The following SH3GL2 variants were observed in gnomAD, a reference collection of about 807,000 sequenced individuals.
The protein encoded by SH3GL2 is endophilin-A1.
In SH3GL2, 24 loss-of-function variants were observed where a neutral mutation model predicts 46.0. The ratio of observed to expected loss-of-function variants is 0.52; its 90% CI spans 0.38 to 0.73. The LOEUF (loss-of-function observed/expected upper bound fraction) is 0.73. Among genes scored for constraint, SH3GL2 ranks in the 30% least tolerant of loss-of-function variants. The pLI, the probability that SH3GL2 is intolerant of heterozygous loss-of-function variation, is 0.00. For missense variants in SH3GL2, 413 were observed against 424.2 expected, an observed-to-expected ratio of 0.97 and a Z score of 0.23; for synonymous variants, 196 against 147.1, an observed-to-expected ratio of 1.33 and a Z score of -2.40.
chr9:17,745,201 G>A (rs138515238), intron 1 of SH3GL2, among the ~76,000 whole-genome samples: 1 of 152,152 alleles, frequency 6.6e-6, no homozygotes, highest in Non-Finnish European at 1.5e-5. Context: ...GTATGTGTCA[G>A]TGATACAAAT....
chr9:17,579,409 G>C (rs1019736522), intron 1 of SH3GL2, 122 bp downstream of exon 1: 10 of 489,802 alleles, frequency 2.0e-5, no homozygotes, highest in African/African-American at 6.1e-5. Context: ...CGCGCCGGCC[G>C]CGCCCCGCCT....
chr9:17,648,993 G>A (rs781062005), intron 1 of SH3GL2, among the ~76,000 whole-genome samples: 1 of 152,188 alleles, frequency 6.6e-6, no homozygotes, highest in Non-Finnish European at 1.5e-5. Context: ...TGTGTTTCCT[G>A]TATGATGTTG....
Position 17,678,859 on chromosome 9 carries a change from G to A in SH3GL2, c.46-68207G>A, listed in dbSNP as rs1224283469. On this transcript the variant is annotated intron_variant, in intron 1 of 8. Coordinates refer to ENST00000380607, the MANE Select transcript of SH3GL2 (RefSeq NM_003026.5). ...TCGGCTTTCTCCATATGGCTAGCCA[G>A]TTTTCCCAGCACCATTTATTAAATA... Among the ~76,000 whole-genome samples, 10 of 152,102 alleles carry A rather than the reference G, an allele frequency of 6.6e-5. No homozygotes were observed. In the East Asian group the frequency reaches 9.7e-4, roughly 15 times the overall value.
At chr9:17,727,238 A>G (rs1822046492) in intron 1 of SH3GL2, among the ~76,000 whole-genome samples, 1 of 152,200 alleles carries the variant, frequency 6.6e-6, no homozygotes, top group African/African-American at 2.4e-5. Context: ...TATACTGTTT[A>G]TGTAAGTTAA....
chr9:17,730,475 G>T (rs1446568758), intron 1 of SH3GL2, among the ~76,000 whole-genome samples: 1 of 152,014 alleles, frequency 6.6e-6, no homozygotes, highest in Non-Finnish European at 1.5e-5. Context: ...GATTGTCTTG[G>T]CCAGCACTTC....
intron 1 of SH3GL2, among the ~76,000 whole-genome samples, chr9:17,606,427 C>T (rs1818763311): frequency 6.6e-6 from 1 of 152,182 alleles, no homozygotes. Context: ...AAACCAGAAG[C>T]TTCCCAAGTG....
At chr9:17,716,147 T>C in intron 1 of SH3GL2, among the ~76,000 whole-genome samples, 1 of 152,264 alleles carries the variant, frequency 6.6e-6, no homozygotes, top group Non-Finnish European at 1.5e-5. Flanking sequence ...AATATCCTTG[T>C]CAAACAATTG....
At position 17,782,381 on chromosome 9, in the gene SH3GL2, T is replaced by C. The variant is rs559792226; in HGVS notation, c.188-4000T>C. 2.0e-5 allele frequency among the ~76,000 whole-genome samples: 3 copies of C among 152,262 alleles called. No homozygotes were observed. In the South Asian group the frequency reaches 6.2e-4, roughly 32 times the overall value. On this transcript the variant is annotated intron_variant, in intron 3 of 8. Transcript: ENST00000380607. Reference sequence around the variant, plus strand: ...CATAGAGCAGATTTTCATGGCATAATTTAAGAAGGAAGTGCTTCCAAAGAG... The same window carrying C: ...CATAGAGCAGATTTTCATGGCATAACTTAAGAAGGAAGTGCTTCCAAAGAG...
intron 1 of SH3GL2, among the ~76,000 whole-genome samples, chr9:17,711,003 C>T (rs899840689): frequency 5.3e-5 from 8 of 151,872 alleles, no homozygotes; most frequent in African/African-American, 1.2e-4. Context: ...CTCTGTCTCT[C>T]GCTCTCTCAG....
chr9:17,719,978 ACCTC>A (rs1821853702), intron 1 of SH3GL2, among the ~76,000 whole-genome samples: 1 of 151,568 alleles, frequency 6.6e-6, no homozygotes, highest in African/African-American at 2.4e-5. Context: ...ATTAAAAAAA[ACCTC>A]CTCTTTATTT....
At chr9:17,753,432 G>T (rs1263733918) in intron 2 of SH3GL2, among the ~76,000 whole-genome samples, 1 of 152,176 alleles carries the variant, frequency 6.6e-6, no homozygotes, top group Non-Finnish European at 1.5e-5. Context: ...GATCAGTGAT[G>T]TTGAGTGTTT....
intron 1 of SH3GL2, chr9:17,735,613 A>G: frequency 6.0e-6 from 1 of 167,858 alleles, no homozygotes; most frequent in African/African-American, 2.4e-5. Context: ...TGGGTTCTAC[A>G]GGGCCAACTG....
At chr9:17,792,789 A>G (rs1367502839) in intron 7 of SH3GL2, among the ~76,000 whole-genome samples, 2 of 151,760 alleles carry the variant, frequency 1.3e-5, no homozygotes, top group African/African-American at 4.8e-5. Flanking sequence ...CCACAACCAC[A>G]CCCCTGTGTT....
chr9:17,694,246 A>G (rs1450174993), intron 1 of SH3GL2, among the ~76,000 whole-genome samples: 1 of 152,166 alleles, frequency 6.6e-6, no homozygotes, highest in East Asian at 1.9e-4. Context: ...GGGGGGCCTT[A>G]GGAAACTTAA....
chr9:17,604,116 T>C (rs1325246030), intron 1 of SH3GL2, among the ~76,000 whole-genome samples: 1 of 152,170 alleles, frequency 6.6e-6, no homozygotes, highest in Non-Finnish European at 1.5e-5. Flanking sequence ...TGTCATCTGC[T>C]CCAACACTTT....
chr9:17,646,250 G>A (rs531643414), intron 1 of SH3GL2, among the ~76,000 whole-genome samples: 2 of 151,974 alleles, frequency 1.3e-5, no homozygotes, highest in East Asian at 3.9e-4. Flanking sequence ...TCTCTAAACT[G>A]ATTATTCTAG....
rs545659400 is a variant in SH3GL2 at position 17,749,444 on chromosome 9, C to T, written c.114+2310C>T. Among the ~76,000 whole-genome samples the T allele has an allele frequency of 3.7e-4, 56 of 152,196 alleles. 1 individual carries two copies. Among genetic ancestry groups the T allele is most frequent in the African/African-American group, 1.1e-3 (46 of 41,536 alleles). Reference sequence around the variant, plus strand: ...GATCCCTCCTTGTACTTTGATGCTCCTCCTTCCCCCTCACCCCTGGAGAGC... The same window carrying T: ...GATCCCTCCTTGTACTTTGATGCTCTTCCTTCCCCCTCACCCCTGGAGAGC... On this transcript the variant is annotated intron_variant, in intron 2 of 8. Transcript: ENST00000380607.
At chr9:17,743,579 C>CACACACACAT (rs1350827410) in intron 1 of SH3GL2, among the ~76,000 whole-genome samples, 1 of 151,304 alleles carries the variant, frequency 6.6e-6, no homozygotes, top group Non-Finnish European at 1.5e-5. Context: ...AACACACACA[C>CACACACACAT]ACACACACAC....
At chr9:17,615,171 C>G (rs1198442795) in intron 1 of SH3GL2, among the ~76,000 whole-genome samples, 1 of 152,204 alleles carries the variant, frequency 6.6e-6, no homozygotes, top group Non-Finnish European at 1.5e-5. Context: ...CAAAGGCTGA[C>G]TTCCTGGTGA....
Sources: gnomAD v4.1 joint callset for allele counts (sites outside exome capture counted in the v4.1 genomes callset) on GRCh38, gnomAD v4.1.1 for gene constraint, MANE v1.5 for transcripts, NCBI Gene and HGNC (gene_info 2026-07-23, HGNC 2026-07-21) for gene names.